The following FZD3 variants were observed in gnomAD, a reference collection of about 807,000 sequenced individuals.
The protein encoded by FZD3 is frizzled class receptor 3.
A neutral mutation model predicts 60.7 loss-of-function variants in FZD3; 30 were observed. The observed-to-expected ratio is 0.49, with a 90% CI of 0.37 to 0.67. The LOEUF is 0.67. Among genes scored for constraint, FZD3 ranks in the 30% least tolerant of loss-of-function variants. The pLI is 0.00. For missense variants in FZD3, 605 were observed against 838.7 expected, an observed-to-expected ratio of 0.72 and a Z score of 3.44; for synonymous variants, 246 against 275.2, an observed-to-expected ratio of 0.89 and a Z score of 1.05.
intron 5 of FZD3, among the ~76,000 whole-genome samples, chr8:28,540,578 G>T (rs1805138368): frequency 6.6e-6 from 1 of 152,134 alleles, no homozygotes; most frequent in Admixed American, 6.5e-5. Flanking sequence ...CACTTAAAAA[G>T]AATACTTGAC....
chr8:28,534,281 A>C (rs1364295889), intron 5 of FZD3, among the ~76,000 whole-genome samples: 2 of 152,182 alleles, frequency 1.3e-5, no homozygotes, highest in Non-Finnish European at 2.9e-5. Context: ...CAGTTCTGTG[A>C]CATTAAGTAA....
At position 28,527,838 on chromosome 8, in the gene FZD3, G is replaced by T. The variant is rs375741315; in HGVS notation, c.1078G>T (p.Val360Leu). The change falls in exon 5 of 8, where the codon GTG becomes TTG. Residue 360 changes from valine (V) to leucine (L), a missense_variant. Transcript: ENST00000240093. This position sits in a 1 kb window ranked among gnomAD's most constrained non-coding sequence, Gnocchi z 5.0. ...NKIEGDNISGVCFVGLYDVDA... is the reference protein window; with the variant it reads ...NKIEGDNISGLCFVGLYDVDA... Reference sequence around the variant, plus strand: ...AATTGAAGGTGACAATATTAGTGGCGTGTGTTTTGTTGGCCTCTACGATGT... The same window carrying T: ...AATTGAAGGTGACAATATTAGTGGCTTGTGTTTTGTTGGCCTCTACGATGT... 3 of 1,614,012 alleles carry T rather than the reference G, an allele frequency of 1.9e-6. No individual in the cohort carries two copies. The South Asian group carries it at 3.3e-5, about 18-fold the overall frequency.
intron 5 of FZD3, among the ~76,000 whole-genome samples, chr8:28,550,479 ATC>A (rs1805386059): frequency 8.5e-5 from 5 of 59,126 alleles, no homozygotes; most frequent in South Asian, 5.4e-4. Context: ...TTCTTCTTTT[ATC>A]TTTTTTTTTT....
At chr8:28,541,483 G>A (rs1001201442) in intron 5 of FZD3, among the ~76,000 whole-genome samples, 10 of 152,270 alleles carry the variant, frequency 6.6e-5, no homozygotes, top group East Asian at 3.9e-4. Context: ...TTTATGTTAC[G>A]TGAACAATAT....
At chr8:28,521,560 G>A (rs28373892) in intron 4 of FZD3, among the ~76,000 whole-genome samples, 3,259 of 152,158 alleles carry the variant, frequency 0.021, 107 homozygotes, top group African/African-American at 0.074. Context: ...AATACAGGTA[G>A]AATTGAAGGT....
At chr8:28,504,645 C>A (rs941164239) in intron 3 of FZD3, among the ~76,000 whole-genome samples, 1 of 152,132 alleles carries the variant, frequency 6.6e-6, no homozygotes, top group Non-Finnish European at 1.5e-5. Context: ...TAATGATACA[C>A]CTTGAAGGGC....
chr8:28,566,802 T>C lies in FZD3; in HGVS notation c.*3791T>C, dbSNP rs1429740886. ...TGGTGTAATGAAAATTCCCCTGGGA[T>C]TGGAATTTTAAGACTCATGATGTCA... On this transcript the variant is annotated 3_prime_UTR_variant, in exon 8 of 8. Coordinates refer to ENST00000240093, the MANE Select transcript of FZD3 (RefSeq NM_017412.4). 8 of 152,166 alleles carry C rather than the reference T, an allele frequency of 5.3e-5. No homozygotes were observed. Among genetic ancestry groups the C allele is most frequent in the African/African-American group, 1.7e-4 (7 of 41,436 alleles). The allele number at this position is 152,166 out of a possible 1,614,324, so 9.4% of individuals were successfully genotyped here. A position where few individuals can be genotyped will look rare whatever the true frequency, so the allele number is the denominator to read the frequency against.
At chr8:28,499,150 A>G (rs202055595) in intron 1 of FZD3, among the ~76,000 whole-genome samples, 1 of 152,198 alleles carries the variant, frequency 6.6e-6, no homozygotes, top group East Asian at 1.9e-4. Context: ...ATAATGTACT[A>G]TAGGTTCTTT....
chr8:28,565,335 A>G lies in FZD3; in HGVS notation c.*2324A>G, dbSNP rs1477182833. The G allele has an allele frequency of 6.6e-6, 1 of 152,182 alleles. No individual in the cohort carries two copies. Among genetic ancestry groups the G allele is most frequent in the Non-Finnish European group, 1.5e-5 (1 of 68,018 alleles). The allele number at this position is 152,182 out of a possible 1,614,324, so 9.4% of individuals were successfully genotyped here. ...CCCTCATAACCGACAATTAGTAAAC[A>G]TTTTCTCTGAAAGCCAAACATATAA... On this transcript the variant is annotated 3_prime_UTR_variant, in exon 8 of 8. Coordinates refer to ENST00000240093, the MANE Select transcript of FZD3 (RefSeq NM_017412.4).
intron 5 of FZD3, among the ~76,000 whole-genome samples, chr8:28,535,501 A>G (rs1804987023): frequency 6.6e-6 from 1 of 152,134 alleles, no homozygotes; most frequent in East Asian, 1.9e-4. Context: ...TGTAGTAGTC[A>G]TGTCTCCTTG....
intron 4 of FZD3, among the ~76,000 whole-genome samples, chr8:28,523,461 G>T (rs530872080): frequency 1.3e-5 from 2 of 151,938 alleles, no homozygotes; most frequent in African/African-American, 4.8e-5. Flanking sequence ...ATAGGATCTC[G>T]CTGTGTTGCC....
At chr8:28,526,236 C>G (rs1345412847) in intron 4 of FZD3, among the ~76,000 whole-genome samples, 3 of 152,046 alleles carry the variant, frequency 2.0e-5, no homozygotes, top group Non-Finnish European at 2.9e-5. Context: ...ACGTGCTTAC[C>G]TCTCCAGTCT....
chr8:28,551,403 A>G (rs369787987), intron 5 of FZD3, among the ~76,000 whole-genome samples, 200 bp from the exon 6 acceptor site: 4 of 152,024 alleles, frequency 2.6e-5, no homozygotes, highest in African/African-American at 7.2e-5. Flanking sequence ...AATCCTAGCT[A>G]CTTGGGAGGC....
chr8:28,573,739 C>G lies in FZD3; in HGVS notation c.*10728C>G, dbSNP rs960364896. On this transcript the variant is annotated 3_prime_UTR_variant, in exon 8 of 8. Transcript: ENST00000240093. ...AAAGTCTTTCCCCATTTTACTGTTA[C>G]AATTTTTCAAGAGCTATAAAGGTAG... The G allele has an allele frequency of 6.6e-6, 1 of 151,128 alleles. No individual in the cohort carries two copies. Among genetic ancestry groups the G allele is most frequent in the East Asian group, 1.9e-4 (1 of 5,160 alleles). 9.4% of individuals were successfully genotyped at this position (151,128 alleles called of 1,614,324 possible).
At chr8:28,505,949 A>G (rs1363089067) in intron 3 of FZD3, among the ~76,000 whole-genome samples, 1 of 152,220 alleles carries the variant, frequency 6.6e-6, no homozygotes, top group Non-Finnish European at 1.5e-5. Context: ...GTGCACATCA[A>G]TATGCAAACA....
intron 3 of FZD3, among the ~76,000 whole-genome samples, chr8:28,508,686 G>A (rs766292601): frequency 6.6e-6 from 1 of 151,328 alleles, no homozygotes. Flanking sequence ...TTTTTTGTTT[G>A]TTTGTTTGTT....
intron 3 of FZD3, among the ~76,000 whole-genome samples, chr8:28,511,948 C>A (rs1193012856): frequency 2.0e-5 from 3 of 152,060 alleles, no homozygotes; most frequent in Admixed American, 6.5e-5. Flanking sequence ...ACTTTATAAA[C>A]CCTAAATCCC....
chr8:28,503,098 G>T lies in FZD3; in HGVS notation c.85G>T (p.Glu29Ter), dbSNP rs749262039. Residue 29 changes from glutamate to a stop codon, truncating the protein, a stop_gained, in exon 3 of 8, where the codon GAA (glutamate) becomes TAA (stop). Coordinates refer to ENST00000240093, the MANE Select transcript of FZD3 (RefSeq NM_017412.4). LOFTEE classifies it high-confidence loss of function. Reference sequence around the variant, plus strand: ...AGGTGGGCACAGTTTGTTTTCTTGTGAACCTATTACCTTGAGGATGTGCCA... The same window carrying T: ...AGGTGGGCACAGTTTGTTTTCTTGTTAACCTATTACCTTGAGGATGTGCCA... ...HIGGHSLFSC[E>*]PITLRMCQDL... The T allele has an allele frequency of 6.2e-7, 1 of 1,613,220 alleles. No individual in the cohort carries two copies. Among genetic ancestry groups the T allele is most frequent in the Non-Finnish European group, 8.5e-7 (1 of 1,179,234 alleles).
intron 2 of FZD3, among the ~76,000 whole-genome samples, chr8:28,501,898 AATAAT>A (rs1804003874): frequency 6.6e-6 from 1 of 152,252 alleles, no homozygotes; most frequent in African/African-American, 2.4e-5. Context: ...CTGTCTAAAA[AATAAT>A]ATAATATTGT....
Sources: gnomAD v4.1 joint callset for allele counts (sites outside exome capture counted in the v4.1 genomes callset) on GRCh38, gnomAD v4.1.1 for gene constraint, Gnocchi (gnomAD v3.1) non-coding constraint, MANE v1.5 for transcripts, NCBI Gene and HGNC (gene_info 2026-07-23, HGNC 2026-07-21) for gene names.